HOOK3: variants seen among roughly 807,000 people sequenced by gnomAD.
HOOK3 encodes protein Hook homolog 3.
In HOOK3, 24 loss-of-function variants were observed where a neutral mutation model predicts 116.3. That is an observed-to-expected ratio of 0.21 (90% CI 0.15 to 0.29). The LOEUF is 0.29. HOOK3 is among the 10% of genes least tolerant of loss of function. The pLI, the probability that HOOK3 is intolerant of heterozygous loss-of-function variation, is 1.00. For missense variants in HOOK3, 632 were observed against 830.2 expected (o/e 0.76, Z 2.93); for synonymous variants, 275 against 283.0 (o/e 0.97, Z 0.28).
chr8:42,906,640 G>A (rs988861126), intron 2 of HOOK3, among the ~76,000 whole-genome samples: 1 of 152,094 alleles, frequency 6.6e-6, no homozygotes, highest in Non-Finnish European at 1.5e-5. Flanking sequence ...ATATAAAATA[G>A]CAACGACAAT....
In HOOK3 at chr8:42,986,915, G is replaced by A. The variant is rs971182748; in HGVS notation, c.1532+120G>A. 1.1e-5 allele frequency: 11 copies of A among 1,043,538 alleles called. No individual in the cohort carries two copies. In the African/African-American group the frequency reaches 1.5e-4, roughly 14 times the overall value. 64.6% of individuals were successfully genotyped at this position (1,043,538 alleles called of 1,614,324 possible). ...CTCACGCCTGTAATCCCAGCACTTTGGGAGGCCCAGGAGGGCAGATCGCTT... is the reference window on the plus strand; with the variant it reads ...CTCACGCCTGTAATCCCAGCACTTTAGGAGGCCCAGGAGGGCAGATCGCTT... On this transcript the variant is annotated intron_variant, in intron 15 of 21. Coordinates refer to ENST00000307602, the MANE Select transcript of HOOK3 (RefSeq NM_032410.4).
chr8:42,962,110 G>A (rs1264140137), intron 8 of HOOK3, among the ~76,000 whole-genome samples: 1 of 151,742 alleles, frequency 6.6e-6, no homozygotes, highest in Non-Finnish European at 1.5e-5. Flanking sequence ...TTTGAGACAG[G>A]GTCATGCTGT....
intron 4 of HOOK3, among the ~76,000 whole-genome samples, chr8:42,936,776 G>C (rs1252815334): frequency 6.6e-6 from 1 of 152,156 alleles, no homozygotes; most frequent in Non-Finnish European, 1.5e-5. Context: ...TTGATGTGCT[G>C]CTGGATTCAG....
chr8:43,000,792 A>G (rs567619086), intron 16 of HOOK3: 3 of 152,784 alleles, frequency 2.0e-5, no homozygotes, highest in African/African-American at 7.2e-5. Context: ...GACAGTGTCT[A>G]TGACATGATT....
chr8:42,899,126 A>C (rs1425948136), intron 1 of HOOK3, among the ~76,000 whole-genome samples: 1 of 152,236 alleles, frequency 6.6e-6, no homozygotes, highest in Non-Finnish European at 1.5e-5. Context: ...AAAATATGGT[A>C]GGTAGTAATT....
Position 43,020,965 on chromosome 8 carries a change from G to T in HOOK3, c.*2467G>T, listed in dbSNP as rs1368777168. The T allele has an allele frequency of 5.6e-6, 1 of 179,012 alleles. No homozygotes were observed. The highest frequency in any genetic ancestry group is 2.0e-4 in the South Asian group (1 of 5,018). The allele number at this position is 179,012 out of a possible 1,614,324, so 11.1% of individuals were successfully genotyped here. A position where few individuals can be genotyped will look rare whatever the true frequency, so the allele number is the denominator to read the frequency against. Reference sequence around the variant, plus strand: ...AAAATACAAACAATTAGCCAGGCATGGTGGTGTGTGCCTGTAGTCCCAGCT... The same window carrying T: ...AAAATACAAACAATTAGCCAGGCATTGTGGTGTGTGCCTGTAGTCCCAGCT... On this transcript the variant is annotated 3_prime_UTR_variant, in exon 22 of 22. Coordinates refer to ENST00000307602, the MANE Select transcript of HOOK3 (RefSeq NM_032410.4).
At chr8:42,897,957 G>C (rs1159380292) in intron 1 of HOOK3, among the ~76,000 whole-genome samples, 2 of 152,238 alleles carry the variant, frequency 1.3e-5, no homozygotes, top group Non-Finnish European at 2.9e-5. Flanking sequence ...CGCAGAGCCC[G>C]GGCGGACCCC....
chr8:42,976,465 G>A (rs981795110), intron 13 of HOOK3, among the ~76,000 whole-genome samples: 7 of 152,132 alleles, frequency 4.6e-5, no homozygotes, highest in South Asian at 2.1e-4. Flanking sequence ...AGCTGAGGTC[G>A]CACTACTGCA....
chr8:42,905,947 C>T (rs964389672), intron 1 of HOOK3, among the ~76,000 whole-genome samples: 11 of 151,888 alleles, frequency 7.2e-5, no homozygotes, highest in Non-Finnish European at 1.5e-4. Flanking sequence ...ATTAGCAGGG[C>T]GTGGTAGTGC....
chr8:43,013,978 A>T (rs181005658), intron 21 of HOOK3, among the ~76,000 whole-genome samples: 16 of 152,192 alleles, frequency 1.1e-4, no homozygotes, highest in African/African-American at 3.4e-4. Flanking sequence ...TCCCAATAAG[A>T]CCACTTCTGC....
At chr8:42,979,430 A>G (rs1441552697) in intron 13 of HOOK3, among the ~76,000 whole-genome samples, 2 of 152,190 alleles carry the variant, frequency 1.3e-5, no homozygotes, top group Non-Finnish European at 2.9e-5. Context: ...CACTTCGCTC[A>G]AGGTTTACCC....
intron 1 of HOOK3, among the ~76,000 whole-genome samples, chr8:42,903,899 T>C (rs1807248001): frequency 6.6e-6 from 1 of 151,704 alleles, no homozygotes; most frequent in Non-Finnish European, 1.5e-5. Flanking sequence ...GAGCTTGCAG[T>C]GAGCCGATAT....
intron 2 of HOOK3, among the ~76,000 whole-genome samples, chr8:42,908,587 T>G (rs1807360215): frequency 6.6e-6 from 1 of 152,128 alleles, no homozygotes; most frequent in Non-Finnish European, 1.5e-5. Flanking sequence ...GTAAAGGGTG[T>G]TGGGAAAAGT....
chr8:42,974,469 C>T (rs761881639), intron 13 of HOOK3, among the ~76,000 whole-genome samples: 21 of 152,010 alleles, frequency 1.4e-4, no homozygotes, highest in Non-Finnish European at 2.6e-4. Context: ...GAACTCCTGA[C>T]CTCAGGTAAT....
At chr8:42,992,501 A>G (rs1157851340) in intron 15 of HOOK3, among the ~76,000 whole-genome samples, 2 of 150,604 alleles carry the variant, frequency 1.3e-5, no homozygotes, top group Non-Finnish European at 3.0e-5. Flanking sequence ...GCGGATCACA[A>G]GGTCAGGAGA....
At chr8:42,966,652 C>G (rs1394522385) in intron 10 of HOOK3, 39 bp downstream of exon 10, 3 of 1,599,188 alleles carry the variant, frequency 1.9e-6, no homozygotes, top group South Asian at 1.1e-5. Flanking sequence ...CAGTTTGGCT[C>G]TGGTGTTAGA....
chr8:43,007,292 C>T (rs1244621813), intron 17 of HOOK3, among the ~76,000 whole-genome samples: 6 of 152,052 alleles, frequency 3.9e-5, no homozygotes, highest in African/African-American at 1.4e-4. Context: ...CTAGGTGACC[C>T]GGATCGGTTC....
Position 43,020,559 on chromosome 8 carries a change from CA to C in HOOK3, c.*2066del. ...GTGAAACCCCATCTCTACTAAATTACAAAAATTAGCTGGGCATGGTGGCATG... is the reference window on the plus strand; with the variant it reads ...GTGAAACCCCATCTCTACTAAATTACAAAATTAGCTGGGCATGGTGGCATG... On this transcript the variant is annotated 3_prime_UTR_variant, in exon 22 of 22. Transcript: ENST00000307602. 1 of 175,490 alleles carries C rather than the reference CA, an allele frequency of 5.7e-6. No individual in the cohort carries two copies. 10.9% of individuals were successfully genotyped at this position (175,490 alleles called of 1,614,324 possible). A position where few individuals can be genotyped will look rare whatever the true frequency, so the allele number is the denominator to read the frequency against.
intron 1 of HOOK3, among the ~76,000 whole-genome samples, chr8:42,902,108 C>G (rs981086562): frequency 3.9e-5 from 6 of 152,092 alleles, no homozygotes; most frequent in African/African-American, 1.2e-4. Flanking sequence ...AATCTTGCAT[C>G]CCTTCCCTTT....
Sources: gnomAD v4.1 joint callset for allele counts (sites outside exome capture counted in the v4.1 genomes callset) on GRCh38, gnomAD v4.1.1 for gene constraint, MANE v1.5 for transcripts, NCBI Gene and HGNC (gene_info 2026-07-23, HGNC 2026-07-21) for gene names.